The following STON2 variants were observed in gnomAD, a reference collection of about 807,000 sequenced individuals.
The protein encoded by STON2 is stonin 2.
A neutral mutation model predicts 65.7 loss-of-function variants in STON2; 29 were observed. The observed-to-expected ratio is 0.44, with a 90% CI of 0.33 to 0.60. STON2 has a LOEUF of 0.60. STON2 is among the 20% of genes least tolerant of loss of function. The pLI is 0.03. For missense variants in STON2, 1,054 were observed against 1,118.1 expected (o/e 0.94, Z 0.82); for synonymous variants, 404 against 414.2 (o/e 0.98, Z 0.30).
In STON2 at chr14:81,267,746, C is replaced by G. The variant is rs549816673; in HGVS notation, c.*668G>C. 1 of 985,352 alleles carries G rather than the reference C, an allele frequency of 1.0e-6. No individual in the cohort carries two copies. Among genetic ancestry groups the G allele is most frequent in the South Asian group, 4.7e-5 (1 of 21,286 alleles). The allele number at this position is 985,352 out of a possible 1,614,324, so 61.0% of individuals were successfully genotyped here. A position where few individuals can be genotyped will look rare whatever the true frequency, so the allele number is the denominator to read the frequency against. ...AAAATTAAAAAGTCTCCTATTGTGC[C>G]TTTTTCCATTGTCTATTGTGACTCA... On this transcript the variant is annotated 3_prime_UTR_variant, in exon 8 of 8. Coordinates refer to ENST00000614646, the MANE Select transcript of STON2 (RefSeq NM_001394390.1).
At chr14:81,316,482 A>G (rs1392541160) in intron 5 of STON2, among the ~76,000 whole-genome samples, 2 of 152,192 alleles carry the variant, frequency 1.3e-5, no homozygotes, top group Non-Finnish European at 2.9e-5. Flanking sequence ...TCAACTCAGT[A>G]AGTAATGCTA....
chr14:81,284,826 G>A (rs1281952544), intron 5 of STON2, among the ~76,000 whole-genome samples: 2 of 152,124 alleles, frequency 1.3e-5, no homozygotes, highest in African/African-American at 4.8e-5. Flanking sequence ...ACTTTAAGTT[G>A]AAGCCATTGC....
chr14:81,432,406 A>T (rs1902260222), intron 1 of STON2, among the ~76,000 whole-genome samples: 1 of 152,184 alleles, frequency 6.6e-6, no homozygotes, highest in South Asian at 2.1e-4. Flanking sequence ...GTAGGTGCTG[A>T]TCACAATCTG....
chr14:81,311,200 C>T (rs989848699), intron 5 of STON2, among the ~76,000 whole-genome samples: 66 of 152,098 alleles, frequency 4.3e-4, no homozygotes, highest in African/African-American at 1.6e-3. Context: ...GGTTAAGAAG[C>T]AGTATAATAT....
intron 1 of STON2, among the ~76,000 whole-genome samples, chr14:81,435,122 T>C (rs1822309040): frequency 6.6e-6 from 1 of 152,212 alleles, no homozygotes; most frequent in African/African-American, 2.4e-5. Flanking sequence ...TTCATACCAA[T>C]TTTTTCAAAG....
chr14:81,435,737 C>T (rs1347978744), intron 1 of STON2, among the ~76,000 whole-genome samples: 1 of 152,152 alleles, frequency 6.6e-6, no homozygotes, highest in African/African-American at 2.4e-5. Flanking sequence ...ATCTTCAACT[C>T]TTCATCCCAG....
intron 5 of STON2, among the ~76,000 whole-genome samples, chr14:81,294,068 T>TA (rs1348740421): frequency 6.6e-6 from 1 of 152,200 alleles, no homozygotes; most frequent in East Asian, 1.9e-4. Context: ...TGGCTTCTGT[T>TA]ACTTGCAATT....
chr14:81,408,615 A>C (rs1900994688), intron 2 of STON2, among the ~76,000 whole-genome samples: 1 of 152,252 alleles, frequency 6.6e-6, no homozygotes, highest in South Asian at 2.1e-4. Context: ...ATGCATACAT[A>C]TATGTATATC....
At chr14:81,368,478 C>T (rs1029069219) in intron 4 of STON2, among the ~76,000 whole-genome samples, 3 of 152,106 alleles carry the variant, frequency 2.0e-5, no homozygotes, top group Non-Finnish European at 4.4e-5. Context: ...CTTTGAGAGG[C>T]CAAGGCAGGT....
At chr14:81,399,604 T>C (rs577740213) in intron 1 of STON2, among the ~76,000 whole-genome samples, 7 of 152,364 alleles carry the variant, frequency 4.6e-5, no homozygotes, top group African/African-American at 1.2e-4. Flanking sequence ...AAAACAGTTT[T>C]GGCATATGAT....
chr14:81,361,279 G>C (rs2140340283), intron 4 of STON2, among the ~76,000 whole-genome samples: 1 of 152,130 alleles, frequency 6.6e-6, no homozygotes, highest in South Asian at 2.1e-4. Flanking sequence ...GAAACTAAAA[G>C]AGCATGATAC....
chr14:81,395,709 C>T (rs1006377836), intron 3 of STON2, 185 bp downstream of exon 3: 44 of 618,902 alleles, frequency 7.1e-5, no homozygotes, highest in Non-Finnish European at 2.9e-6. Flanking sequence ...CTTTTGTATG[C>T]TTATGTCAAC....
At chr14:81,333,460 T>C (rs1897276636) in intron 4 of STON2, 1 of 280,400 alleles carries the variant, frequency 3.6e-6, no homozygotes, top group African/African-American at 2.2e-5. Context: ...AAATCGTTAC[T>C]GTTATGGCTC....
At chr14:81,426,378 G>C (rs1403851562) in intron 2 of STON2, among the ~76,000 whole-genome samples, 1 of 152,144 alleles carries the variant, frequency 6.6e-6, no homozygotes, top group African/African-American at 2.4e-5. Context: ...CAGTGAAGCT[G>C]GCATGTCCCC....
At chr14:81,292,594 G>A in intron 5 of STON2, among the ~76,000 whole-genome samples, 1 of 152,192 alleles carries the variant, frequency 6.6e-6, no homozygotes, top group East Asian at 1.9e-4. Context: ...ACCATGTGAA[G>A]AAGGATGTGT....
intron 4 of STON2, among the ~76,000 whole-genome samples, chr14:81,363,073 G>GTA (rs1334248964): frequency 5.3e-5 from 8 of 152,176 alleles, no homozygotes; most frequent in African/African-American, 1.9e-4. Context: ...GCCTCCCACA[G>GTA]TATACCAGGC....
chr14:81,309,086 A>AT (rs1425610766), intron 5 of STON2, among the ~76,000 whole-genome samples: 8 of 54,358 alleles, frequency 1.5e-4, no homozygotes, highest in East Asian at 3.4e-4. Flanking sequence ...TCAAAATTCT[A>AT]TAAAAAAAAA....
intron 5 of STON2, among the ~76,000 whole-genome samples, chr14:81,284,735 T>C (rs1465806670): frequency 6.6e-6 from 1 of 152,218 alleles, no homozygotes; most frequent in Non-Finnish European, 1.5e-5. Context: ...AGGATGTTAA[T>C]AGCTAGAGAA....
In STON2 at chr14:81,319,098, G is replaced by A. The variant is rs143626184; in HGVS notation, c.742+4919C>T. On this transcript the variant is annotated intron_variant, in intron 5 of 7. Coordinates refer to ENST00000614646, the MANE Select transcript of STON2 (RefSeq NM_001394390.1). ...TGGTATAAAGCTACCCGCCTCTAGA[G>A]TCCAGCCTAAAATCAACCAATTGCC... 7.5e-4 allele frequency among the ~76,000 whole-genome samples: 114 copies of A among 152,312 alleles called. 6 individuals carry two copies. The East Asian group carries it at 0.015, about 20-fold the overall frequency.
Sources: allele counts gnomAD v4.1 joint callset (sites outside exome capture counted in the v4.1 genomes callset), GRCh38; gene constraint gnomAD v4.1.1; transcripts MANE v1.5; gene names NCBI Gene and HGNC (gene_info 2026-07-23, HGNC 2026-07-21).